The following E2F3 variants were observed in gnomAD, a reference collection of about 807,000 sequenced individuals.
E2F3 encodes the protein E2F transcription factor 3.
A neutral mutation model predicts 44.4 loss-of-function variants in E2F3; 11 were observed. The observed-to-expected ratio is 0.25, with a 90% CI of 0.16 to 0.41. The LOEUF is 0.41. Among genes scored for constraint, E2F3 ranks in the 10% least tolerant of loss-of-function variants. The probability of loss-of-function intolerance (pLI) is 1.00; values close to 1 mark genes in which losing one functional copy is unlikely to be tolerated. For missense variants in E2F3, 487 were observed against 583.6 expected, an observed-to-expected ratio of 0.83 and a Z score of 1.70; for synonymous variants, 249 against 253.0, an observed-to-expected ratio of 0.98 and a Z score of 0.15.
intron 1 of E2F3, among the ~76,000 whole-genome samples, chr6:20,456,313 T>TAA (rs76985100): frequency 7.3e-6 from 1 of 137,132 alleles, no homozygotes; most frequent in Non-Finnish European, 1.6e-5. Context: ...GTCCCCCAGT[T>TAA]AAAAAAAAAA....
chr6:20,482,954 G>A, intron 4 of E2F3, 34 bp downstream of exon 4: 2 of 1,611,864 alleles, frequency 1.2e-6, no homozygotes, highest in South Asian at 2.2e-5. Context: ...CTGGGGGTTA[G>A]TGCTTCCTAG....
intron 1 of E2F3, among the ~76,000 whole-genome samples, chr6:20,413,585 C>G (rs143656669): frequency 4.2e-4 from 64 of 152,260 alleles, no homozygotes; most frequent in African/African-American, 1.5e-3. Flanking sequence ...GATTCTCAAG[C>G]GGTTGAGAAT....
At chr6:20,424,758 A>AT (rs1190283871) in intron 1 of E2F3, among the ~76,000 whole-genome samples, 2 of 152,202 alleles carry the variant, frequency 1.3e-5, no homozygotes, top group Admixed American at 1.3e-4. Context: ...AGCTGTTTAC[A>AT]TTTTTTCTTT....
At chr6:20,414,455 ACT>A (rs1384659524) in intron 1 of E2F3, among the ~76,000 whole-genome samples, 11 of 150,758 alleles carry the variant, frequency 7.3e-5, no homozygotes, top group East Asian at 5.9e-4. Flanking sequence ...GATTTCCTAC[ACT>A]CTCTGATTTT....
At chr6:20,463,111 C>T (rs933340415) in intron 1 of E2F3, among the ~76,000 whole-genome samples, 3 of 151,688 alleles carry the variant, frequency 2.0e-5, no homozygotes, top group Non-Finnish European at 4.4e-5. Context: ...TGGTAGAGAC[C>T]GGGTCTTGCT....
intron 1 of E2F3, among the ~76,000 whole-genome samples, chr6:20,419,594 T>TG (rs1370307193): frequency 6.6e-6 from 1 of 152,140 alleles, no homozygotes; most frequent in East Asian, 1.9e-4. Flanking sequence ...GATGGAGTCT[T>TG]GCTCTGTTGC....
At chr6:20,407,820 T>C (rs1709029518) in intron 1 of E2F3, among the ~76,000 whole-genome samples, 1 of 152,202 alleles carries the variant, frequency 6.6e-6, no homozygotes, top group African/African-American at 2.4e-5. Context: ...TCAATTCCCT[T>C]TTAGTCATCT....
rs116014479 is a variant in E2F3, at chr6:20,419,104, T to C, written c.393+16479T>C. ...GTGGCTTGCCCTTTTGCTTAGTATT[T>C]CCAGAGACGTAATTCCCTATCTGTA... On this transcript the variant is annotated intron_variant, in intron 1 of 6. Coordinates refer to ENST00000346618, the MANE Select transcript of E2F3 (RefSeq NM_001949.5). Among the ~76,000 whole-genome samples, 1,446 of 152,290 alleles carry C rather than the reference T, an allele frequency of 9.5e-3. 21 individuals are homozygous for C. The highest frequency in any genetic ancestry group is 0.033 in the African/African-American group (1,371 of 41,554).
At chr6:20,452,753 T>C (rs1330522848) in intron 1 of E2F3, among the ~76,000 whole-genome samples, 1 of 152,046 alleles carries the variant, frequency 6.6e-6, no homozygotes, top group East Asian at 1.9e-4. Context: ...ATCCAGACCA[T>C]CCTGGCCAAC....
chr6:20,413,097 C>T (rs1053782959), intron 1 of E2F3, among the ~76,000 whole-genome samples: 1 of 152,220 alleles, frequency 6.6e-6, no homozygotes, highest in Non-Finnish European at 1.5e-5. Context: ...AAATTAAACC[C>T]AAGGAGCCTG....
rs4134981 is a variant in E2F3, at chr6:20,490,159, T to G, written c.1136-9T>G. On this transcript the variant is annotated splice_polypyrimidine_tract_variant and intron_variant, in intron 6 of 6. Coordinates refer to ENST00000346618, the MANE Select transcript of E2F3 (RefSeq NM_001949.5). This position sits in a 1 kb window ranked among gnomAD's most constrained non-coding sequence, Gnocchi z 4.3. ...TTATTTTTTGTTTCCATCAATGTTT[T>G]CTTTTCAGACTTGGCTTCAACCAAC... 34,765 of 1,557,676 alleles carry G rather than the reference T, an allele frequency of 0.022. 1,652 individuals carry two copies. Among genetic ancestry groups the G allele is most frequent in the African/African-American group, 0.19 (14,110 of 72,368 alleles).
chr6:20,413,462 T>C (rs1003666338), intron 1 of E2F3, among the ~76,000 whole-genome samples: 1 of 152,244 alleles, frequency 6.6e-6, no homozygotes, highest in Non-Finnish European at 1.5e-5. Flanking sequence ...CCAAGCCTCA[T>C]ACCTGCTCTC....
intron 1 of E2F3, among the ~76,000 whole-genome samples, chr6:20,466,757 A>G (rs1761726278): frequency 6.8e-6 from 1 of 147,426 alleles, no homozygotes. Flanking sequence ...ATCTCTGCTC[A>G]CTGCAATCTC....
chr6:20,406,815 C>T (rs879689484), intron 1 of E2F3, among the ~76,000 whole-genome samples: 1 of 152,186 alleles, frequency 6.6e-6, no homozygotes, highest in Admixed American at 6.5e-5. Flanking sequence ...CAGAGACATG[C>T]ATTAGACAAA....
At chr6:20,447,304 G>A (rs144838831) in intron 1 of E2F3, among the ~76,000 whole-genome samples, 1,723 of 152,142 alleles carry the variant, frequency 0.011, 13 homozygotes, top group Non-Finnish European at 0.017. Context: ...GCAGTACTAC[G>A]TTATTAGTGG....
At chr6:20,467,429 T>C (rs1478194293) in intron 1 of E2F3, among the ~76,000 whole-genome samples, 1 of 152,228 alleles carries the variant, frequency 6.6e-6, no homozygotes, top group Non-Finnish European at 1.5e-5. Flanking sequence ...TCACAGTGCA[T>C]TTTAGTAAAG....
intron 1 of E2F3, among the ~76,000 whole-genome samples, chr6:20,434,771 A>G (rs1184916208): frequency 2.0e-5 from 3 of 152,176 alleles, no homozygotes; most frequent in Admixed American, 1.3e-4. Flanking sequence ...CAAGCTTTAT[A>G]ATGCCTGTGG....
rs747804161 is a variant in E2F3, at chr6:20,481,232, C to A, written c.532C>A (p.Arg178=). 9 of 1,613,850 alleles carry A rather than the reference C, an allele frequency of 5.6e-6. No homozygotes were observed. The highest frequency in any genetic ancestry group is 6.8e-6 in the Non-Finnish European group (8 of 1,179,960). The change falls in exon 3 of 7, where the codon CGG becomes AGG. Residue 178 remains arginine (R), a synonymous_variant. Transcript: ENST00000346618. ...KTPKSPSEKT[R]YDTSLGLLTK... ...TCCAAAATCTCCCTCAGAAAAAACG[C>A]GGTATGATACGTCTCTTGGTCTGCT...
intron 1 of E2F3, among the ~76,000 whole-genome samples, chr6:20,407,450 G>A (rs1286559856): frequency 6.6e-6 from 1 of 152,132 alleles, no homozygotes; most frequent in Non-Finnish European, 1.5e-5. Context: ...TTGGAAGAAT[G>A]GATTCTGAGA....
Sources: allele counts gnomAD v4.1 joint callset (sites outside exome capture counted in the v4.1 genomes callset), GRCh38; gene constraint gnomAD v4.1.1; non-coding constraint Gnocchi (gnomAD v3.1); transcripts MANE v1.5; gene names NCBI Gene and HGNC (gene_info 2026-07-23, HGNC 2026-07-21).